Variants in HPSE2 observed in about 807,000 individuals in gnomAD.
HPSE2 encodes inactive heparanase-2.
HPSE2 carries 38 observed loss-of-function variants against 60.5 expected under a neutral mutation model. That is an observed-to-expected ratio of 0.63 (90% CI 0.48 to 0.82). The LOEUF (loss-of-function observed/expected upper bound fraction) is 0.82. HPSE2 is among the 40% of genes least tolerant of loss of function. The probability of loss-of-function intolerance (pLI) is 0.00; values close to 1 mark genes in which losing one functional copy is unlikely to be tolerated. For synonymous variants in HPSE2, 295 were observed against 293.2 expected (o/e 1.01, Z -0.06); for missense variants, 713 against 740.4 (o/e 0.96, Z 0.43).
rs371894879 is a variant in HPSE2 at position 99,014,908 on chromosome 10, T to G, written c.610+129330A>C. ...CAACCTACAGAATGGGAGAAAATTT[T>G]TGCAATCTACTCATCTGACAAAGGG... On this transcript the variant is annotated intron_variant, in intron 3 of 11. Transcript: ENST00000370552. Among the ~76,000 whole-genome samples the G allele has an allele frequency of 1.7e-3, 262 of 152,310 alleles. 2 individuals carry two copies. Among genetic ancestry groups the G allele is most frequent in the African/African-American group, 6.0e-3 (251 of 41,560 alleles).
chr10:99,153,837 G>C (rs1328811367), intron 2 of HPSE2, among the ~76,000 whole-genome samples: 1 of 151,670 alleles, frequency 6.6e-6, no homozygotes, highest in Non-Finnish European at 1.5e-5. Flanking sequence ...CAAAGGTAAA[G>C]AAGTTGAAAA....
intron 3 of HPSE2, among the ~76,000 whole-genome samples, chr10:98,837,690 C>T (rs975297128): frequency 1.4e-4 from 21 of 150,720 alleles, no homozygotes; most frequent in African/African-American, 4.4e-4. Context: ...CTGCCTAACA[C>T]GGTGAAACTC....
upstream of HPSE2, among the ~76,000 whole-genome samples, chr10:99,236,189 G>A (rs910666152): frequency 3.3e-5 from 5 of 151,776 alleles, no homozygotes; most frequent in African/African-American, 1.2e-4. Context: ...GAGCAGGCGG[G>A]AAGGAGGAGA....
intron 2 of HPSE2, among the ~76,000 whole-genome samples, chr10:99,217,729 C>T (rs1226683588): frequency 6.6e-6 from 1 of 152,122 alleles, no homozygotes; most frequent in African/African-American, 2.4e-5. Flanking sequence ...GCTAAGACTA[C>T]AGGTCTGTGC....
At chr10:98,870,774 C>T (rs1324550967) in intron 3 of HPSE2, among the ~76,000 whole-genome samples, 3 of 151,878 alleles carry the variant, frequency 2.0e-5, no homozygotes, top group Non-Finnish European at 1.5e-5. Flanking sequence ...TGGATGTGTG[C>T]CCCCTCCAAA....
intron 8 of HPSE2, among the ~76,000 whole-genome samples, chr10:98,618,052 G>A (rs775692125): frequency 4.6e-5 from 7 of 151,968 alleles, no homozygotes; most frequent in African/African-American, 7.3e-5. Context: ...ACTCCCCCCC[G>A]CCACGACAGG....
At chr10:99,103,293 T>A (rs538608297) in intron 3 of HPSE2, among the ~76,000 whole-genome samples, 1 of 152,166 alleles carries the variant, frequency 6.6e-6, no homozygotes, top group African/African-American at 2.4e-5. Flanking sequence ...AGTCTCAGGA[T>A]ACAAAATCAA....
At chr10:99,020,946 T>C (rs1304510884) in intron 3 of HPSE2, among the ~76,000 whole-genome samples, 1 of 152,160 alleles carries the variant, frequency 6.6e-6, no homozygotes, top group African/African-American at 2.4e-5. Context: ...GAGGATGATA[T>C]TTATTGGTTA....
At chr10:98,509,451 G>A (rs10883110) in intron 9 of HPSE2, among the ~76,000 whole-genome samples, 133,480 of 152,190 alleles carry the variant, frequency 0.88, 61,064 homozygotes, top group East Asian at 1. Context: ...GATAAGATTT[G>A]GTGATTGACT....
intron 3 of HPSE2, among the ~76,000 whole-genome samples, chr10:99,119,193 A>G (rs1844847929): frequency 1.3e-5 from 2 of 152,222 alleles, no homozygotes; most frequent in East Asian, 1.9e-4. Flanking sequence ...CTGTATCTAG[A>G]AAAACCCATA....
chr10:99,194,771 C>T (rs956436131), intron 2 of HPSE2, among the ~76,000 whole-genome samples: 1 of 151,826 alleles, frequency 6.6e-6, no homozygotes, highest in African/African-American at 2.4e-5. Context: ...CAAAGAAAAG[C>T]CCAGATCCAA....
chr10:98,548,634 A>C (rs940140373), intron 9 of HPSE2, among the ~76,000 whole-genome samples: 3 of 151,266 alleles, frequency 2.0e-5, no homozygotes, highest in Non-Finnish European at 4.4e-5. Flanking sequence ...AAAAAAAGAA[A>C]TTTAGAGATG....
chr10:98,588,427 G>A lies in HPSE2; in HGVS notation c.1320+26477C>T, dbSNP rs576752679. Among the ~76,000 whole-genome samples, 3 of 152,254 alleles carry A rather than the reference G, an allele frequency of 2.0e-5. No homozygotes were observed. The South Asian group carries it at 6.2e-4, about 32-fold the overall frequency. ...GGGGAGACTTTACCAACCTAGGGCAGCTACAGTGGCACAGAAACAGTGTCT... is the reference window on the plus strand; with the variant it reads ...GGGGAGACTTTACCAACCTAGGGCAACTACAGTGGCACAGAAACAGTGTCT... On this transcript the variant is annotated intron_variant, in intron 9 of 11. Coordinates refer to ENST00000370552, the MANE Select transcript of HPSE2 (RefSeq NM_021828.5).
At chr10:99,300,440 G>A in the HPSE2 span, among the ~76,000 whole-genome samples, 1 of 152,112 alleles carries the variant, frequency 6.6e-6, no homozygotes, top group African/African-American at 2.4e-5. Context: ...CATTTCTTAG[G>A]GCCACTGTCT....
intron 4 of HPSE2, among the ~76,000 whole-genome samples, chr10:98,725,807 C>T (rs1949060296): frequency 6.6e-6 from 1 of 151,948 alleles, no homozygotes; most frequent in Non-Finnish European, 1.5e-5. Context: ...AAAACAACCC[C>T]ATCAAAAAGT....
intron 11 of HPSE2, among the ~76,000 whole-genome samples, chr10:98,475,909 G>A (rs948655323): frequency 2.0e-5 from 3 of 152,138 alleles, no homozygotes; most frequent in Non-Finnish European, 4.4e-5. Flanking sequence ...GTGGAAGTCA[G>A]TGTGGCGATT....
chr10:98,474,696 GT>G (rs1020770239), intron 11 of HPSE2, among the ~76,000 whole-genome samples: 18 of 152,190 alleles, frequency 1.2e-4, no homozygotes, highest in African/African-American at 4.3e-4. Flanking sequence ...AAGATTTTTG[GT>G]TCATAGGAGC....
At chr10:99,274,456 A>ATAATTATT in the HPSE2 span, among the ~76,000 whole-genome samples, 2 of 152,214 alleles carry the variant, frequency 1.3e-5, no homozygotes, top group Non-Finnish European at 2.9e-5. Flanking sequence ...CAGAAAAGAA[A>ATAATTATT]TAATTATTTT....
At chr10:98,528,859 T>C (rs576812639) in intron 9 of HPSE2, among the ~76,000 whole-genome samples, 2 of 152,340 alleles carry the variant, frequency 1.3e-5, no homozygotes, top group East Asian at 1.9e-4. Context: ...AAAAGCCATA[T>C]AAATCTGACA....
Sources: gnomAD v4.1 joint callset for allele counts (sites outside exome capture counted in the v4.1 genomes callset) on GRCh38, gnomAD v4.1.1 for gene constraint, MANE v1.5 for transcripts, NCBI Gene and HGNC (gene_info 2026-07-23, HGNC 2026-07-21) for gene names.